FNDC7: variants seen among roughly 807,000 people sequenced by gnomAD.
FNDC7 encodes the protein fibronectin type III domain-containing protein 7.
FNDC7 carries 66 observed loss-of-function variants against 74.2 expected under a neutral mutation model. The ratio of observed to expected loss-of-function variants is 0.89; its 90% CI spans 0.73 to 1.09. The LOEUF (loss-of-function observed/expected upper bound fraction) is 1.09, where lower values mean the gene tolerates loss of function less well. Ranked by LOEUF, FNDC7 falls within the 50% of genes least tolerant of loss-of-function variation. The pLI, the probability that FNDC7 is intolerant of heterozygous loss-of-function variation, is 0.00. For missense variants in FNDC7, 829 were observed against 893.4 expected, an observed-to-expected ratio of 0.93 and a Z score of 0.92; for synonymous variants, 307 against 330.2, an observed-to-expected ratio of 0.93 and a Z score of 0.76.
chr1:108,717,879 CT>C lies in FNDC7; in HGVS notation c.186del (p.Glu63LysfsTer18). On this transcript the variant is annotated frameshift_variant, in exon 3 of 13. Transcript: ENST00000370017. LOFTEE classifies it high-confidence loss of function. ...VPGATSYLLTAEDGDTVIETT... is the reference protein window; with the variant it reads ...VPGATSYLLTXEDGDTVIETT... ...GGTGCCACCAGTTACCTCCTCACGG[CT>C]GAAGACGGGGACACAGTCATTGAAA... The C allele has an allele frequency of 6.4e-7, 1 of 1,551,734 alleles. No homozygotes were observed.
intron 5 of FNDC7, among the ~76,000 whole-genome samples, chr1:108,723,300 A>T (rs1661136833): frequency 6.6e-6 from 1 of 152,236 alleles, no homozygotes; most frequent in Non-Finnish European, 1.5e-5. Flanking sequence ...GGGCACACCG[A>T]TAATAAGTGG....
At chr1:108,735,998 A>G (rs1266258655) in intron 10 of FNDC7, among the ~76,000 whole-genome samples, 1 of 152,070 alleles carries the variant, frequency 6.6e-6, no homozygotes, top group Non-Finnish European at 1.5e-5. Context: ...TGTAGAGACA[A>G]GGTCTTGCTT....
chr1:108,730,246 A>T (rs947156411), intron 8 of FNDC7, among the ~76,000 whole-genome samples: 2 of 151,966 alleles, frequency 1.3e-5, no homozygotes, highest in African/African-American at 4.8e-5. Context: ...GCATGGTGGC[A>T]CGCACCTGTA....
chr1:108,733,999 C>A (rs1391362690), intron 10 of FNDC7, among the ~76,000 whole-genome samples: 2 of 152,124 alleles, frequency 1.3e-5, no homozygotes, highest in East Asian at 1.9e-4. Context: ...CTGTGGAAGA[C>A]CCCAAGATTC....
intron 3 of FNDC7, 124 bp downstream of exon 3, chr1:108,718,155 G>A (rs1162264406): frequency 3.1e-6 from 4 of 1,274,306 alleles, no homozygotes; most frequent in African/African-American, 1.5e-5. Context: ...AGGCCCAGAA[G>A]TGAAAGCTAC....
At position 108,740,266 on chromosome 1, in the gene FNDC7, A is replaced by G. The variant is rs190817164; in HGVS notation, c.2171-1507A>G. On this transcript the variant is annotated intron_variant, in intron 11 of 12. Coordinates refer to ENST00000370017, the MANE Select transcript of FNDC7 (RefSeq NM_001144937.3). ...GAGCCATGGGAATCTTGCTGGTCTA[A>G]GGTTTTCTTTGGGTTTTCTTTGACT... is the stretch of plus-strand genomic sequence containing the variant. Among the ~76,000 whole-genome samples the G allele has an allele frequency of 1.7e-4, 25 of 148,998 alleles. No homozygotes were observed. In the East Asian group the frequency reaches 4.9e-3, roughly 29 times the overall value.
chr1:108,741,920 T>G lies in FNDC7; in HGVS notation c.*38-5T>G. ...GTTTAAAATGTTTTCCCATTTGTCT[T>G]GCAGAGTTGTCTCATTTGTTAGTGA... On this transcript the variant is annotated splice_polypyrimidine_tract_variant and splice_region_variant and intron_variant, in intron 12 of 12. Coordinates refer to ENST00000370017, the MANE Select transcript of FNDC7 (RefSeq NM_001144937.3). 11 of 1,052,034 alleles carry G rather than the reference T, an allele frequency of 1.0e-5. No individual in the cohort carries two copies. The highest frequency in any genetic ancestry group is 1.0e-5 in the Non-Finnish European group (7 of 695,026). The allele number at this position is 1,052,034 out of a possible 1,614,324, so 65.2% of individuals were successfully genotyped here.
intron 7 of FNDC7, 118 bp downstream of exon 7, chr1:108,728,183 G>T: frequency 3.1e-6 from 4 of 1,290,166 alleles, no homozygotes; most frequent in Non-Finnish European, 3.2e-6. Flanking sequence ...ATCAATCTTT[G>T]TGGAGACCAA....
Position 108,742,102 on chromosome 1 carries a change from G to C in FNDC7, c.*215G>C. 2.4e-6 allele frequency: 1 copy of C among 417,006 alleles called. No homozygotes were observed. The allele number at this position is 417,006 out of a possible 1,614,324, so 25.8% of individuals were successfully genotyped here. The stretch of plus-strand genomic sequence containing the variant: ...CAGCAGTTGGAGATCTGCTATGTGA[G>C]GACTCTGGAGAGAAATGAATCCAGA... On this transcript the variant is annotated 3_prime_UTR_variant, in exon 13 of 13. Transcript: ENST00000370017.
At chr1:108,728,975 T>G (rs112597905) in intron 8 of FNDC7, 89 bp downstream of exon 8, 1 of 1,476,030 alleles carries the variant, frequency 6.8e-7, no homozygotes, top group Admixed American at 1.9e-5. Context: ...TAATCTACCC[T>G]CAGTGCAACA....
chr1:108,718,043 G>A lies in FNDC7; in HGVS notation c.337+12G>A. On this transcript the variant is annotated intron_variant, in intron 3 of 12. Transcript: ENST00000370017. ...GCAGGCAAAGACAGGTGGCTGGATG[G>A]ATGCTCATCCTCCGTTGAGTGTTTG... The A allele has an allele frequency of 1.3e-6, 2 of 1,550,714 alleles. No homozygotes were observed. The highest frequency in any genetic ancestry group is 4.9e-5 in the East Asian group (2 of 40,894).
rs986939168 is a variant in FNDC7 at position 108,717,852 on chromosome 1, C to G, written c.158C>G (p.Pro53Arg). Residue 53 changes from proline to arginine, a missense_variant, in exon 3 of 13, where the codon CCG becomes CGG. Physicochemically the swap from Pro to Arg is moderately radical, Grantham distance 103. Transcript: ENST00000370017. The stretch of plus-strand genomic sequence containing the variant: ...ATCACTGTAGAATGGGCTACAGTGC[C>G]GGGTGCCACCAGTTACCTCCTCACG... ...NSITVEWATVPGATSYLLTAE... is the reference protein window; with the variant it reads ...NSITVEWATVRGATSYLLTAE... 16 of 1,551,570 alleles carry G rather than the reference C, an allele frequency of 1.0e-5. No homozygotes were observed. Among genetic ancestry groups the G allele is most frequent in the Non-Finnish European group, 1.4e-5 (16 of 1,147,012 alleles).
intron 11 of FNDC7, among the ~76,000 whole-genome samples, chr1:108,738,897 A>G (rs751400826): frequency 6.6e-6 from 1 of 152,182 alleles, no homozygotes; most frequent in Non-Finnish European, 1.5e-5. Context: ...CTGTGAGGAC[A>G]CTTCTAATTA....
chr1:108,740,618 G>A (rs929340792), intron 11 of FNDC7, among the ~76,000 whole-genome samples: 11 of 152,148 alleles, frequency 7.2e-5, no homozygotes, highest in Non-Finnish European at 1.5e-4. Context: ...GTGAGCCACC[G>A]CACCGGCCAT....
rs757586852 is a variant in FNDC7 at position 108,728,884 on chromosome 1, C to G, written c.1622C>G (p.Thr541Arg). ...CCCAGCTACAGTGTGCCCCTGGAAACAGGTATGTAGCAACCACCAGCCTGA... is the reference window on the plus strand; with the variant it reads ...CCCAGCTACAGTGTGCCCCTGGAAAGAGGTATGTAGCAACCACCAGCCTGA... ...SLPSYSVPLE[T>R]VPCCPTGLTV... The change falls in exon 8 of 13, where the codon ACA (threonine) becomes AGA (arginine). Residue 541 changes from threonine to arginine, a missense_variant and splice_region_variant. Physicochemically the swap from Thr to Arg is moderately conservative, Grantham distance 71 (BLOSUM62 -1). Coordinates refer to ENST00000370017, the MANE Select transcript of FNDC7 (RefSeq NM_001144937.3). The G allele has an allele frequency of 1.2e-6, 2 of 1,613,652 alleles. No homozygotes were observed. Among genetic ancestry groups the G allele is most frequent in the Non-Finnish European group, 1.7e-6 (2 of 1,179,760 alleles).
intron 7 of FNDC7, 72 bp downstream of exon 7, chr1:108,728,137 A>G (rs1251662381): frequency 1.3e-6 from 2 of 1,530,590 alleles, no homozygotes; most frequent in Non-Finnish European, 1.8e-6. Flanking sequence ...CAGGATGGGC[A>G]TTCAGTGAGA....
In FNDC7 at chr1:108,733,270, A is replaced by G; in HGVS notation, c.1880-2A>G. The G allele has an allele frequency of 6.2e-7, 1 of 1,603,462 alleles. No individual in the cohort carries two copies. The highest frequency in any genetic ancestry group is 8.5e-7 in the Non-Finnish European group (1 of 1,171,092). On this transcript the variant is annotated splice_acceptor_variant, in intron 9 of 12. Coordinates refer to ENST00000370017, the MANE Select transcript of FNDC7 (RefSeq NM_001144937.3). LOFTEE classifies it high-confidence loss of function. ...TTTGTGTTTGTTATTTTTATTGCCT[A>G]GGTGCCTGCTGCCCTTTGGGGGTGA...
intron 8 of FNDC7, 102 bp from the exon 9 acceptor site, chr1:108,730,572 A>C: frequency 7.7e-7 from 1 of 1,299,950 alleles, no homozygotes; most frequent in Non-Finnish European, 1.1e-6. Flanking sequence ...GGAATGTAGG[A>C]TATTGAGTGA....
intron 4 of FNDC7, 75 bp from the exon 5 acceptor site, chr1:108,722,260 T>C: frequency 7.2e-7 from 1 of 1,396,076 alleles, no homozygotes; most frequent in Non-Finnish European, 9.5e-7. Flanking sequence ...CTCCAGGCTC[T>C]GCAACATTGT....
Sources: allele counts gnomAD v4.1 joint callset (sites outside exome capture counted in the v4.1 genomes callset), GRCh38; gene constraint gnomAD v4.1.1; transcripts MANE v1.5; gene names NCBI Gene and HGNC (gene_info 2026-07-23, HGNC 2026-07-21).